Variants in FBRSL1 observed in about 807,000 individuals in gnomAD.
FBRSL1 encodes fibrosin-1-like protein.
A neutral mutation model predicts 89.6 loss-of-function variants in FBRSL1; 51 were observed. That is an observed-to-expected ratio of 0.57 (90% CI 0.45 to 0.72). FBRSL1 has a LOEUF of 0.72. FBRSL1 is among the 30% of genes least tolerant of loss of function. The pLI is 0.00. For missense variants in FBRSL1, 1,618 were observed against 1,451.8 expected (o/e 1.11, Z -1.86); for synonymous variants, 779 against 681.1 (o/e 1.14, Z -2.24).
intron 1 of FBRSL1, among the ~76,000 whole-genome samples, chr12:132,496,944 C>T (rs1277938492): frequency 3.3e-5 from 5 of 152,200 alleles, no homozygotes; most frequent in African/African-American, 1.2e-4. Flanking sequence ...TTCCCAGGCC[C>T]TGCGGTGTCC....
intron 1 of FBRSL1, among the ~76,000 whole-genome samples, chr12:132,493,147 A>G (rs7137911): frequency 0.89 from 136,071 of 152,262 alleles, 61,858 homozygotes; most frequent in Non-Finnish European, 0.99. Context: ...GTCCGGCCTT[A>G]GAGTGAGCGG....
rs576906450 is a variant in FBRSL1 at position 132,569,962 on chromosome 12, C to T, written c.728C>T (p.Pro243Leu). ...ALEKSEAKAG[P>L]VPKVSGLERS... ...GAGAAGTCGGAGGCCAAGGCCGGGC[C>T]GGTGCCCAAGGTGTCAGGCCTGGAG... Residue 243 changes from proline to leucine, a missense_variant, in exon 7 of 19, where the codon CCG becomes CTG. Physicochemically the swap from Pro to Leu is moderately conservative, Grantham distance 98. Coordinates refer to ENST00000680143, the MANE Select transcript of FBRSL1 (RefSeq NM_001367871.1). 3.1e-5 allele frequency: 45 copies of T among 1,437,200 alleles called. No homozygotes were observed. The highest frequency in any genetic ancestry group is 5.9e-5 in the Admixed American group (2 of 33,898). The allele number at this position is 1,437,200 out of a possible 1,614,324, so 89.0% of individuals were successfully genotyped here.
intron 4 of FBRSL1, among the ~76,000 whole-genome samples, chr12:132,544,390 A>T (rs1442964789): frequency 6.6e-6 from 1 of 152,140 alleles, no homozygotes; most frequent in Non-Finnish European, 1.5e-5. Context: ...TCGTGGCTAC[A>T]GGAAGGCTCA....
At chr12:132,500,475 C>T (rs2032787704) in intron 1 of FBRSL1, among the ~76,000 whole-genome samples, 1 of 152,166 alleles carries the variant, frequency 6.6e-6, no homozygotes, top group South Asian at 2.1e-4. Flanking sequence ...GGCCTCTCTG[C>T]TCCCTGTCCT....
intron 4 of FBRSL1, among the ~76,000 whole-genome samples, chr12:132,531,240 C>T (rs769362291): frequency 4.6e-5 from 7 of 151,390 alleles, no homozygotes; most frequent in Admixed American, 1.3e-4. Context: ...CAGGAGCAGG[C>T]GAGGGGCCCA....
rs1408755875 is a variant in FBRSL1, at chr12:132,570,539, C to T, written c.1212C>T (p.Ala404=). 25 of 1,503,676 alleles carry T rather than the reference C, an allele frequency of 1.7e-5. No individual in the cohort carries two copies. Among genetic ancestry groups the T allele is most frequent in the African/African-American group, 4.2e-5 (3 of 71,160 alleles). 93.1% of individuals were successfully genotyped at this position (1,503,676 alleles called of 1,614,324 possible). Residue 404 remains alanine, a splice_region_variant and synonymous_variant, in exon 8 of 19, where the codon GCC becomes GCT. Coordinates refer to ENST00000680143, the MANE Select transcript of FBRSL1 (RefSeq NM_001367871.1). ...ASSLVLPGHP[A]DASLAVSFSQ... ...GCCTGGTCCTCCCAGGACACCCGGC[C>T]GGTAGGTGTCTCGGCCACAATCTCG...
At chr12:132,581,610 C>T in intron 16 of FBRSL1, 94 bp downstream of exon 16, 1 of 1,494,288 alleles carries the variant, frequency 6.7e-7, no homozygotes, top group East Asian at 2.5e-5. Flanking sequence ...GGCCCCGAGC[C>T]CCAGGGAGCC....
intron 5 of FBRSL1, among the ~76,000 whole-genome samples, chr12:132,562,080 T>C (rs2039175891): frequency 6.6e-6 from 1 of 152,158 alleles, no homozygotes; most frequent in Admixed American, 6.5e-5. Flanking sequence ...ATTCCTCCTG[T>C]TTCTCTCGGA....
chr12:132,509,230 G>A lies in FBRSL1; in HGVS notation c.489+880G>A, dbSNP rs894075773. 7.5e-5 allele frequency: 94 copies of A among 1,252,266 alleles called. 1 individual carries two copies. In the East Asian group the frequency reaches 1.3e-3, roughly 17 times the overall value. The allele number at this position is 1,252,266 out of a possible 1,614,324, so 77.6% of individuals were successfully genotyped here. On this transcript the variant is annotated intron_variant, in intron 2 of 18. Coordinates refer to ENST00000680143, the MANE Select transcript of FBRSL1 (RefSeq NM_001367871.1). ...TGGGACCAGAACGGCCCGGCCCAGC[G>A]CCAGCAACAGCTCCAGCCCAGCCAG... is the stretch of plus-strand genomic sequence containing the variant.
Position 132,578,343 on chromosome 12 carries a change from T to TCACACACACACACAGACACACA in FBRSL1, c.1834+1426_1834+1427insGACACACACACACACACACACA, listed in dbSNP as rs1555290112. 1.8e-4 allele frequency among the ~76,000 whole-genome samples: 25 copies of TCACACACACACACAGACACACA among 141,110 alleles called. No individual in the cohort carries two copies. In the Admixed American group the frequency reaches 1.8e-3, roughly 10 times the overall value. 92.6% of individuals were successfully genotyped at this position (141,110 alleles called of 152,430 possible). A position where few individuals can be genotyped will look rare whatever the true frequency, so the allele number is the denominator to read the frequency against. ...CTGGGCAACAGAGCAAGACCCTGTCTCACACACACACACACACACACACAA... is the reference window on the plus strand; with the variant it reads ...CTGGGCAACAGAGCAAGACCCTGTCTCACACACACACACAGACACACACACACACACACACACACACACACAA... On this transcript the variant is annotated intron_variant, in intron 15 of 18. Coordinates refer to ENST00000680143, the MANE Select transcript of FBRSL1 (RefSeq NM_001367871.1).
intron 15 of FBRSL1, among the ~76,000 whole-genome samples, chr12:132,579,212 C>A (rs1313770655): frequency 6.6e-6 from 1 of 152,224 alleles, no homozygotes; most frequent in East Asian, 1.9e-4. Context: ...TTCCTTGTTG[C>A]TCTTTTCTCT....
chr12:132,541,379 C>T (rs918343786), intron 4 of FBRSL1, among the ~76,000 whole-genome samples: 4 of 152,226 alleles, frequency 2.6e-5, no homozygotes, highest in African/African-American at 9.6e-5. Flanking sequence ...CTCCAGCACC[C>T]ACACCCGTAA....
rs931609921 is a variant in FBRSL1, at chr12:132,546,248, A to G, written c.616-1755A>G. 6.6e-6 allele frequency among the ~76,000 whole-genome samples: 1 copy of G among 152,116 alleles called. No homozygotes were observed. The highest frequency in any genetic ancestry group is 1.5e-5 in the Non-Finnish European group (1 of 68,020). On this transcript the variant is annotated intron_variant, in intron 4 of 18. Transcript: ENST00000680143. The surrounding 1 kb of genome is among the most constrained non-coding windows in gnomAD (Gnocchi z 4.0). ...AGGCCCGCCCATATCACAGCAGGGG[A>G]GATGGAGGACTCAGAGGCCCAGGGC...
intron 15 of FBRSL1, among the ~76,000 whole-genome samples, chr12:132,578,343 T>TCACACACACACACACACACACATACA (rs2040512202): frequency 7.1e-6 from 1 of 141,008 alleles, no homozygotes; most frequent in Non-Finnish European, 1.5e-5. Context: ...AGACCCTGTC[T>TCACACACACACACACACACACATACA]CACACACACA....
rs2138227678 is a variant in FBRSL1, at chr12:132,583,795, G to A, written c.*17G>A. On this transcript the variant is annotated 3_prime_UTR_variant, in exon 19 of 19. Coordinates refer to ENST00000680143, the MANE Select transcript of FBRSL1 (RefSeq NM_001367871.1). Reference sequence around the variant, plus strand: ...GCGCGGTAGCCCCGGGGCCGCAGACGCCTCTCCGAGCGGAGCGCACCGCTG... The same window carrying A: ...GCGCGGTAGCCCCGGGGCCGCAGACACCTCTCCGAGCGGAGCGCACCGCTG... 2 of 1,198,406 alleles carry A rather than the reference G, an allele frequency of 1.7e-6. No homozygotes were observed. Among genetic ancestry groups the A allele is most frequent in the African/African-American group, 1.6e-5 (1 of 63,488 alleles). The allele number at this position is 1,198,406 out of a possible 1,614,324, so 74.2% of individuals were successfully genotyped here.
chr12:132,501,917 T>TG (rs1293548589), intron 1 of FBRSL1, among the ~76,000 whole-genome samples: 1 of 152,246 alleles, frequency 6.6e-6, no homozygotes, highest in Non-Finnish European at 1.5e-5. Context: ...CAGCCTCACC[T>TG]GCCCGGTGTC....
At chr12:132,529,917 C>T (rs1370621049) in intron 4 of FBRSL1, among the ~76,000 whole-genome samples, 1 of 152,244 alleles carries the variant, frequency 6.6e-6, no homozygotes, top group Non-Finnish European at 1.5e-5. Context: ...GGTTTCCTTC[C>T]TCCTGTGCTG....
intron 1 of FBRSL1, among the ~76,000 whole-genome samples, chr12:132,492,416 T>G (rs1451936561): frequency 6.6e-6 from 1 of 152,216 alleles, no homozygotes; most frequent in African/African-American, 2.4e-5. Flanking sequence ...CTCTCCATTT[T>G]CGTCTCCCAC....
At chr12:132,519,833 G>C (rs953133036) in intron 2 of FBRSL1, among the ~76,000 whole-genome samples, 1 of 151,758 alleles carries the variant, frequency 6.6e-6, no homozygotes, top group South Asian at 2.1e-4. Flanking sequence ...GCTTGAACCC[G>C]GGAGGCAGAG....
Sources: allele counts gnomAD v4.1 joint callset (sites outside exome capture counted in the v4.1 genomes callset), GRCh38; gene constraint gnomAD v4.1.1; non-coding constraint Gnocchi (gnomAD v3.1); transcripts MANE v1.5; gene names NCBI Gene and HGNC (gene_info 2026-07-23, HGNC 2026-07-21).